Variants in EIF4G3 observed in about 807,000 individuals in gnomAD.
EIF4G3 encodes the protein eukaryotic translation initiation factor 4 gamma 3.
EIF4G3 carries 34 observed loss-of-function variants against 186.4 expected under a neutral mutation model. The observed-to-expected ratio is 0.18, with a 90% CI of 0.14 to 0.24. The LOEUF (loss-of-function observed/expected upper bound fraction) is 0.24. Among genes scored for constraint, EIF4G3 ranks in the 10% least tolerant of loss-of-function variants. The pLI, the probability that EIF4G3 is intolerant of heterozygous loss-of-function variation, is 1.00. For missense variants in EIF4G3, 1,536 were observed against 1,948.5 expected (o/e 0.79, Z 3.99); for synonymous variants, 673 against 679.5 (o/e 0.99, Z 0.15).
chr1:20,820,332 G>A (rs545966257), intron 33 of EIF4G3, among the ~76,000 whole-genome samples: 2 of 152,232 alleles, frequency 1.3e-5, no homozygotes. Context: ...GGGTGCAGCT[G>A]TGGCTGCCCT....
intron 29 of EIF4G3, 147 bp downstream of exon 29, chr1:20,849,268 C>T (rs1009595281): frequency 1.1e-5 from 5 of 437,374 alleles, no homozygotes; most frequent in East Asian, 3.6e-5. Flanking sequence ...AATGCATCAG[C>T]GTTAAGCAAA....
chr1:20,895,535 A>C lies in EIF4G3; in HGVS notation c.2000-34T>G, dbSNP rs557348015. 3.7e-6 allele frequency: 6 copies of C among 1,609,194 alleles called. No individual in the cohort carries two copies. In the South Asian group the frequency reaches 5.5e-5, roughly 15 times the overall value. ...AGGAATATAGGCAGACACTGTTTGT[A>C]GGGCATTATATACAGTCATGCATTG... On this transcript the variant is annotated intron_variant, in intron 16 of 36. Coordinates refer to ENST00000602326, the MANE Select transcript of EIF4G3 (RefSeq NM_001391906.1).
intron 4 of EIF4G3, among the ~76,000 whole-genome samples, chr1:21,048,389 C>T (rs1355654419): frequency 6.6e-6 from 1 of 152,128 alleles, no homozygotes; most frequent in African/African-American, 2.4e-5. Flanking sequence ...AACATTTCAG[C>T]TGACACAACA....
intron 4 of EIF4G3, among the ~76,000 whole-genome samples, chr1:21,019,753 A>T (rs1193364099): frequency 6.6e-6 from 1 of 152,086 alleles, no homozygotes; most frequent in Non-Finnish European, 1.5e-5. Flanking sequence ...GCGTGGTGGC[A>T]CATGCCTGTA....
chr1:21,003,026 T>G (rs2083954216), intron 4 of EIF4G3, among the ~76,000 whole-genome samples: 1 of 151,370 alleles, frequency 6.6e-6, no homozygotes, highest in Non-Finnish European at 1.5e-5. Flanking sequence ...ACTGGGGTCT[T>G]GCTCTGTCAC....
chr1:20,970,545 G>A lies in EIF4G3; in HGVS notation c.592-949C>T, dbSNP rs1411644291. 3.3e-5 allele frequency among the ~76,000 whole-genome samples: 5 copies of A among 152,226 alleles called. No homozygotes were observed. The East Asian group carries it at 5.8e-4, about 18-fold the overall frequency. On this transcript the variant is annotated intron_variant, in intron 11 of 36. Coordinates refer to ENST00000602326, the MANE Select transcript of EIF4G3 (RefSeq NM_001391906.1). ...GGAGAATCACTTGAACCTGAGAGGC[G>A]GAGCTTGCAGTGAGCCAAGATCGCG...
At chr1:21,126,573 T>C (rs1447573324) in intron 2 of EIF4G3, among the ~76,000 whole-genome samples, 1 of 152,002 alleles carries the variant, frequency 6.6e-6, no homozygotes, top group South Asian at 2.1e-4. Context: ...GGAGGATCCC[T>C]TGATCCCAGG....
chr1:20,882,209 AC>A (rs869288621), intron 19 of EIF4G3, among the ~76,000 whole-genome samples: 121 of 67,862 alleles, frequency 1.8e-3, no homozygotes, highest in East Asian at 8.6e-3. Flanking sequence ...ACACACACAC[AC>A]ACACAAAATC....
intron 14 of EIF4G3, among the ~76,000 whole-genome samples, chr1:20,933,259 C>T (rs2095397195): frequency 6.6e-6 from 1 of 152,116 alleles, no homozygotes; most frequent in African/African-American, 2.4e-5. Flanking sequence ...GGGGGCAAAA[C>T]TGGGACCAAG....
intron 20 of EIF4G3, among the ~76,000 whole-genome samples, chr1:20,869,551 G>A (rs1394646042): frequency 6.6e-6 from 1 of 151,776 alleles, no homozygotes; most frequent in East Asian, 1.9e-4. Flanking sequence ...TGAGGCGGGT[G>A]GATCACGAGG....
At chr1:21,119,193 T>C (rs1488344674) in intron 2 of EIF4G3, among the ~76,000 whole-genome samples, 1 of 152,098 alleles carries the variant, frequency 6.6e-6, no homozygotes, top group Non-Finnish European at 1.5e-5. Context: ...ATTTTGTTTA[T>C]AACACTACTT....
chr1:20,827,532 C>T, intron 32 of EIF4G3, 85 bp downstream of exon 32: 1 of 763,910 alleles, frequency 1.3e-6, no homozygotes, highest in South Asian at 2.1e-5. Flanking sequence ...ACCCTGAGAC[C>T]TAAGCTATTC....
At chr1:20,974,160 A>C (rs1353118428) in intron 10 of EIF4G3, among the ~76,000 whole-genome samples, 1 of 152,214 alleles carries the variant, frequency 6.6e-6, no homozygotes, top group African/African-American at 2.4e-5. Context: ...TCAAATACAG[A>C]TCAAGTAGTT....
intron 29 of EIF4G3, among the ~76,000 whole-genome samples, chr1:20,844,766 A>G: frequency 6.6e-6 from 1 of 152,132 alleles, no homozygotes; most frequent in East Asian, 1.9e-4. Context: ...CGGGAGGCAG[A>G]GGTTGCAGTG....
At chr1:21,117,729 T>C (rs2096849454) in intron 2 of EIF4G3, among the ~76,000 whole-genome samples, 2 of 48,890 alleles carry the variant, frequency 4.1e-5, no homozygotes, top group Non-Finnish European at 8.7e-5. Context: ...ACTGTCCCAG[T>C]ATATAGTAAA....
intron 4 of EIF4G3, among the ~76,000 whole-genome samples, chr1:21,028,235 A>G (rs1471220073): frequency 1.3e-5 from 2 of 152,238 alleles, no homozygotes; most frequent in African/African-American, 4.8e-5. Context: ...CATATTATCA[A>G]TGTATACTTA....
At chr1:21,142,679 C>T (rs1442408583) in intron 2 of EIF4G3, among the ~76,000 whole-genome samples, 1 of 152,146 alleles carries the variant, frequency 6.6e-6, no homozygotes, top group East Asian at 1.9e-4. Flanking sequence ...AACCTTTTTA[C>T]CCACTTCATA....
chr1:20,981,402 G>T (rs1439409861), intron 8 of EIF4G3, among the ~76,000 whole-genome samples, 175 bp from the exon 9 acceptor site: 1 of 151,724 alleles, frequency 6.6e-6, no homozygotes, highest in Non-Finnish European at 1.5e-5. Flanking sequence ...ACCACACTAG[G>T]GCAAGCTCTT....
At chr1:20,934,408 G>A in intron 14 of EIF4G3, among the ~76,000 whole-genome samples, 1 of 152,026 alleles carries the variant, frequency 6.6e-6, no homozygotes, top group East Asian at 1.9e-4. Flanking sequence ...ATAAGAAGGT[G>A]GTAGAGAGGC....
Sources: allele counts gnomAD v4.1 joint callset (sites outside exome capture counted in the v4.1 genomes callset), GRCh38; gene constraint gnomAD v4.1.1; transcripts MANE v1.5; gene names NCBI Gene and HGNC (gene_info 2026-07-23, HGNC 2026-07-21).